UTRN: variants seen among roughly 807,000 people sequenced by gnomAD.
UTRN encodes the protein utrophin, also known as dystrophin-related protein 1.
UTRN carries 283 observed loss-of-function variants against 463.9 expected under a neutral mutation model. The ratio of observed to expected loss-of-function variants is 0.61; its 90% CI spans 0.55 to 0.67. UTRN has a LOEUF of 0.67. UTRN is among the 30% of genes least tolerant of loss of function. The pLI is 0.00. For synonymous variants in UTRN, 1,442 were observed against 1,431.5 expected, an observed-to-expected ratio of 1.01 and a Z score of -0.17; for missense variants, 3,922 against 4,084.3, an observed-to-expected ratio of 0.96 and a Z score of 1.08.
chr6:144,466,113 A>G (rs1472035605), intron 23 of UTRN, among the ~76,000 whole-genome samples: 1 of 152,254 alleles, frequency 6.6e-6, no homozygotes, highest in Non-Finnish European at 1.5e-5. Flanking sequence ...GCTAATTCCA[A>G]TCATTTTCCC....
At chr6:144,522,287 T>A in intron 40 of UTRN, 116 bp downstream of exon 40, 1 of 774,756 alleles carries the variant, frequency 1.3e-6, no homozygotes, top group Non-Finnish European at 1.9e-6. Context: ...GCCAGGGGAT[T>A]AATAATATGT....
chr6:144,439,024 C>T, intron 12 of UTRN, 129 bp downstream of exon 12: 1 of 999,200 alleles, frequency 1.0e-6, no homozygotes, highest in South Asian at 1.6e-5. Flanking sequence ...CTTCATTTAG[C>T]AGCTCACAGG....
At chr6:144,844,431 A>G (rs1781852125) in intron 73 of UTRN, among the ~76,000 whole-genome samples, 1 of 151,800 alleles carries the variant, frequency 6.6e-6, no homozygotes, top group African/African-American at 2.4e-5. Flanking sequence ...ACCACGCCCA[A>G]CTAATTTTTG....
At chr6:144,540,348 G>C (rs1244350660) in intron 45 of UTRN, among the ~76,000 whole-genome samples, 3 of 152,070 alleles carry the variant, frequency 2.0e-5, no homozygotes, top group Admixed American at 1.3e-4. Context: ...CTCTGTCCTT[G>C]GTTTGGATGG....
chr6:144,299,389 C>A (rs1805034649), intron 2 of UTRN, among the ~76,000 whole-genome samples: 1 of 152,202 alleles, frequency 6.6e-6, no homozygotes, highest in South Asian at 2.1e-4. Flanking sequence ...CTTATAAACA[C>A]TTCCCTTTAA....
At position 144,667,053 on chromosome 6, in the gene UTRN, A is replaced by T. The variant is rs565783183; in HGVS notation, c.7480-11353A>T. Among the ~76,000 whole-genome samples, 7 of 147,182 alleles carry T rather than the reference A, an allele frequency of 4.8e-5. No homozygotes were observed. In the South Asian group the frequency reaches 1.1e-3, roughly 23 times the overall value. On this transcript the variant is annotated intron_variant, in intron 51 of 74. Transcript: ENST00000367545. ...TCCTCCTCCTCCTCCTCCTCCTTCTACTTCTTCTTCTTCTTCTTTTAGAAG... is the reference window on the plus strand; with the variant it reads ...TCCTCCTCCTCCTCCTCCTCCTTCTTCTTCTTCTTCTTCTTCTTTTAGAAG...
intron 59 of UTRN, among the ~76,000 whole-genome samples, chr6:144,773,321 G>GA (rs938870745): frequency 1.1e-4 from 16 of 152,152 alleles, no homozygotes; most frequent in African/African-American, 3.9e-4. Context: ...TGTCCTTGGG[G>GA]AAGATGCCCC....
At chr6:144,787,582 C>G (rs1776396682) in intron 61 of UTRN, among the ~76,000 whole-genome samples, 1 of 152,082 alleles carries the variant, frequency 6.6e-6, no homozygotes, top group African/African-American at 2.4e-5. Flanking sequence ...TTATTGCATA[C>G]TTTATATGTC....
intron 28 of UTRN, 47 bp downstream of exon 28, chr6:144,485,566 C>G (rs1792356000): frequency 1.2e-6 from 2 of 1,610,940 alleles, no homozygotes; most frequent in Non-Finnish European, 8.5e-7. Context: ...TGTGATGAGG[C>G]CACACGTGTA....
intron 2 of UTRN, among the ~76,000 whole-genome samples, chr6:144,389,781 T>C (rs1781748432): frequency 1.3e-5 from 2 of 152,134 alleles, no homozygotes; most frequent in Non-Finnish European, 2.9e-5. Flanking sequence ...GTATTTTTGC[T>C]AGAGACAGGG....
At chr6:144,370,186 G>A (rs886078565) in intron 2 of UTRN, among the ~76,000 whole-genome samples, 1 of 152,172 alleles carries the variant, frequency 6.6e-6, no homozygotes, top group Non-Finnish European at 1.5e-5. Context: ...ATGGCTCCAG[G>A]GCATGTCAGA....
chr6:144,844,620 G>A (rs1346292791), intron 73 of UTRN, among the ~76,000 whole-genome samples: 1 of 152,068 alleles, frequency 6.6e-6, no homozygotes, highest in Non-Finnish European at 1.5e-5. Flanking sequence ...AGCTGGGAAG[G>A]TTTCCTTGTA....
rs368881444 is a variant in UTRN at position 144,491,120 on chromosome 6, T to C, written c.4437+18T>C. 10 of 1,582,368 alleles carry C rather than the reference T, an allele frequency of 6.3e-6. No homozygotes were observed. The highest frequency in any genetic ancestry group is 2.2e-5 in the East Asian group (1 of 44,500). ...AGTGTATGGTGAGGCTTTTGGGTGATTGGCACATCCAGTGGCTTTTTCAGC... is the reference window on the plus strand; with the variant it reads ...AGTGTATGGTGAGGCTTTTGGGTGACTGGCACATCCAGTGGCTTTTTCAGC... On this transcript the variant is annotated intron_variant, in intron 32 of 74. Coordinates refer to ENST00000367545, the MANE Select transcript of UTRN (RefSeq NM_007124.3).
At chr6:144,372,992 G>A (rs1192209993) in intron 2 of UTRN, among the ~76,000 whole-genome samples, 1 of 152,144 alleles carries the variant, frequency 6.6e-6, no homozygotes, top group African/African-American at 2.4e-5. Flanking sequence ...GTGCCCACTG[G>A]TATGGCTGTA....
chr6:144,714,519 A>C (rs1786164229), intron 53 of UTRN, among the ~76,000 whole-genome samples: 1 of 152,182 alleles, frequency 6.6e-6, no homozygotes, highest in Admixed American at 6.5e-5. Flanking sequence ...CTCTGCTCTT[A>C]CAAGGTTTCT....
intron 3 of UTRN, among the ~76,000 whole-genome samples, chr6:144,407,447 T>C (rs1783518860): frequency 6.6e-6 from 1 of 152,174 alleles, no homozygotes; most frequent in Admixed American, 6.5e-5. Flanking sequence ...GCTGCATTAT[T>C]GACAAAAATA....
chr6:144,839,178 A>T lies in UTRN; in HGVS notation c.10071A>T (p.Glu3357Asp). The part of the protein sequence containing the change: ...HRLRQLLEQP[E>D]SDSRINGVSP... ...ACCTCTGAATGTGGTTCCAGCCTGAATCTGATTCCCGAATCAATGGTGTTT... is the reference window on the plus strand; with the variant it reads ...ACCTCTGAATGTGGTTCCAGCCTGATTCTGATTCCCGAATCAATGGTGTTT... The change falls in exon 72 of 75, where the codon GAA becomes GAT. Residue 3357 changes from glutamate to aspartate, a missense_variant. Glu to Asp is a conservative substitution (Grantham distance 45, BLOSUM62 2). Around this residue, in one of 3 missense-constraint regions of UTRN, gnomAD observed 1,309 missense variants for 1,452.6 expected, o/e 0.90. Transcript: ENST00000367545. The T allele has an allele frequency of 6.2e-7, 1 of 1,613,508 alleles. No individual in the cohort carries two copies. Among genetic ancestry groups the T allele is most frequent in the Non-Finnish European group, 8.5e-7 (1 of 1,179,438 alleles).
At chr6:144,758,087 C>CAGATAAT in intron 58 of UTRN, 98 bp downstream of exon 58, 3 of 1,006,260 alleles carry the variant, frequency 3.0e-6, no homozygotes, top group East Asian at 5.1e-5. Context: ...AAATAGAATT[C>CAGATAAT]AGTCCTATTA....
At chr6:144,516,432 T>C (rs1013351551) in intron 38 of UTRN, 45 bp downstream of exon 38, 2 of 1,569,622 alleles carry the variant, frequency 1.3e-6, no homozygotes, top group Non-Finnish European at 1.7e-6. Context: ...TCATTTTTCT[T>C]CTCTATTAAT....
Sources: gnomAD v4.1 joint callset for allele counts (sites outside exome capture counted in the v4.1 genomes callset) on GRCh38, gnomAD v4.1.1 for gene constraint, gnomAD v4.1.1 regional missense constraint, MANE v1.5 for transcripts, NCBI Gene and HGNC (gene_info 2026-07-23, HGNC 2026-07-21) for gene names.